Variants in ETV1 observed in about 807,000 individuals in gnomAD.
ETV1 encodes ETS translocation variant 1.
In ETV1, 27 loss-of-function variants were observed where a neutral mutation model predicts 62.3. The observed-to-expected ratio is 0.43, with a 90% CI of 0.32 to 0.60. The LOEUF is 0.60. Among genes scored for constraint, ETV1 ranks in the 20% least tolerant of loss-of-function variants. ETV1 has a pLI of 0.06. For synonymous variants in ETV1, 222 were observed against 199.6 expected (o/e 1.11, Z -0.94); for missense variants, 605 against 605.8 (o/e 1.00, Z 0.01).
At chr7:13,989,836 G>T (rs1278539891), upstream of ETV1, 10 of 378,198 alleles carry the variant, frequency 2.6e-5, no homozygotes, top group Middle Eastern at 6.7e-4. Flanking sequence ...TCGCCCCTCT[G>T]CCCTAGGGGG....
In ETV1 at chr7:13,892,833, C is replaced by G; in HGVS notation, c.*3033G>C. 1 of 232,510 alleles carries G rather than the reference C, an allele frequency of 4.3e-6. No homozygotes were observed. Among genetic ancestry groups the G allele is most frequent in the Non-Finnish European group, 8.5e-6 (1 of 117,588 alleles). The allele number at this position is 232,510 out of a possible 1,614,324, so 14.4% of individuals were successfully genotyped here. A position where few individuals can be genotyped will look rare whatever the true frequency, so the allele number is the denominator to read the frequency against. On this transcript the variant is annotated 3_prime_UTR_variant, in exon 14 of 14. Transcript: ENST00000430479. ...CTCTAGAAGTGAAAGCTGGAAGAAT[C>G]TCCCCTGGAGCCTCCAGAAGGAACC... is the stretch of plus-strand genomic sequence containing the variant.
At chr7:13,902,030 T>G (rs981595413) in intron 12 of ETV1, among the ~76,000 whole-genome samples, 1 of 152,098 alleles carries the variant, frequency 6.6e-6, no homozygotes, top group Admixed American at 6.6e-5. Flanking sequence ...GTAGCTTGCT[T>G]TTCCTACCCC....
chr7:13,975,205 G>A (rs1781305552), intron 6 of ETV1: 1 of 152,232 alleles, frequency 6.6e-6, no homozygotes, highest in African/African-American at 2.4e-5. Context: ...AGGTGGCACA[G>A]GTGTAGTCAT....
intron 9 of ETV1, among the ~76,000 whole-genome samples, chr7:13,929,378 A>G (rs62454581): frequency 0.045 from 6,794 of 152,280 alleles, 208 homozygotes; most frequent in African/African-American, 0.078. Context: ...ACTGATAAAT[A>G]AGGTGTCTTC....
chr7:13,961,088 G>C (rs1790110752), intron 6 of ETV1, among the ~76,000 whole-genome samples: 1 of 151,418 alleles, frequency 6.6e-6, no homozygotes, highest in Non-Finnish European at 1.5e-5. Context: ...TGAGGCTGCA[G>C]TGAGCCATGA....
At chr7:13,917,099 G>C (rs932176795) in intron 9 of ETV1, among the ~76,000 whole-genome samples, 1 of 151,956 alleles carries the variant, frequency 6.6e-6, no homozygotes, top group Non-Finnish European at 1.5e-5. Context: ...AACTTCTCTT[G>C]TAAGCACCTG....
intron 11 of ETV1, chr7:13,907,856 C>T: frequency 4.3e-6 from 2 of 470,394 alleles, no homozygotes; most frequent in Non-Finnish European, 8.8e-6. Context: ...ATTTGAAAAA[C>T]CTAAACCAAA....
rs1229655088 is a variant in ETV1, at chr7:13,931,736, G to T, written c.568C>A (p.Leu190Ile). 6.2e-7 allele frequency: 1 copy of T among 1,613,864 alleles called. No homozygotes were observed. The highest frequency in any genetic ancestry group is 2.2e-5 in the East Asian group (1 of 44,898). The change falls in exon 9 of 14, where the codon CTT becomes ATT. Residue 190 changes from leucine to isoleucine, a missense_variant. Leu to Ile is a conservative substitution (Grantham distance 5, BLOSUM62 2). Transcript: ENST00000430479. ...YPMDHRFRRQLSEPCNSFPPL... is the reference protein window; with the variant it reads ...YPMDHRFRRQISEPCNSFPPL... Reference sequence around the variant, plus strand: ...GGAAAGGAGTTACAGGGTTCAGAAAGCTGGCGGCGAAATCTAGGGAATAAG... The same window carrying T: ...GGAAAGGAGTTACAGGGTTCAGAAATCTGGCGGCGAAATCTAGGGAATAAG...
At chr7:13,973,466 A>T (rs186336720) in intron 6 of ETV1, among the ~76,000 whole-genome samples, 1 of 152,304 alleles carries the variant, frequency 6.6e-6, no homozygotes, top group East Asian at 1.9e-4. Context: ...CAATTCCAAT[A>T]TTTGATAAAC....
chr7:13,978,501 G>T (rs1032315165), intron 5 of ETV1, among the ~76,000 whole-genome samples: 2 of 151,920 alleles, frequency 1.3e-5, no homozygotes, highest in Non-Finnish European at 2.9e-5. Context: ...GCTGTCATTT[G>T]ACTAGGTAGT....
chr7:13,909,097 C>G (rs960979755), intron 11 of ETV1, among the ~76,000 whole-genome samples: 13 of 137,836 alleles, frequency 9.4e-5, no homozygotes, highest in Non-Finnish European at 2.0e-4. Context: ...TAAGCAATTA[C>G]AAAGTCATGC....
chr7:13,896,216 C>A, intron 13 of ETV1, 129 bp from the exon 14 acceptor site: 3 of 611,902 alleles, frequency 4.9e-6, no homozygotes, highest in Non-Finnish European at 5.7e-6. Flanking sequence ...AAAAAGCAAA[C>A]AACTAATAGC....
At chr7:13,917,332 T>TTA (rs1181828649) in intron 9 of ETV1, among the ~76,000 whole-genome samples, 7 of 147,324 alleles carry the variant, frequency 4.8e-5, no homozygotes, top group Admixed American at 4.3e-4. Flanking sequence ...ATTTATTTAT[T>TTA]TTGAGACGGA....
intron 9 of ETV1, among the ~76,000 whole-genome samples, chr7:13,925,356 G>GTAGC (rs1265653475): frequency 6.6e-6 from 1 of 152,094 alleles, no homozygotes; most frequent in African/African-American, 2.4e-5. Context: ...AACCCTAATG[G>GTAGC]TAGCATTGCA....
intron 9 of ETV1, among the ~76,000 whole-genome samples, chr7:13,916,402 C>T (rs951842223): frequency 1.5e-4 from 23 of 152,216 alleles, no homozygotes; most frequent in African/African-American, 4.8e-4. Flanking sequence ...CTTTGGGAGG[C>T]CAAGGTGGGC....
rs1490130499 is a variant in ETV1 at position 13,894,006 on chromosome 7, T to C, written c.*1860A>G. ...AGAGTAGCAATTTTGGTGTTTGGGT[T>C]TCTTGATAACTGCTCCACTTAGAGA... On this transcript the variant is annotated 3_prime_UTR_variant, in exon 14 of 14. Coordinates refer to ENST00000430479, the MANE Select transcript of ETV1 (RefSeq NM_004956.5). 1 of 232,862 alleles carries C rather than the reference T, an allele frequency of 4.3e-6. No individual in the cohort carries two copies. The highest frequency in any genetic ancestry group is 8.5e-6 in the Non-Finnish European group (1 of 117,866). 14.4% of individuals were successfully genotyped at this position (232,862 alleles called of 1,614,324 possible). A position where few individuals can be genotyped will look rare whatever the true frequency, so the allele number is the denominator to read the frequency against.
At chr7:13,963,904 G>A (rs755837558) in intron 6 of ETV1, among the ~76,000 whole-genome samples, 1 of 152,142 alleles carries the variant, frequency 6.6e-6, no homozygotes, top group Non-Finnish European at 1.5e-5. Context: ...ACTTTCTAAT[G>A]CAACAGCCTT....
At chr7:13,904,761 A>G (rs1338946494) in intron 12 of ETV1, among the ~76,000 whole-genome samples, 1 of 151,996 alleles carries the variant, frequency 6.6e-6, no homozygotes, top group African/African-American at 2.4e-5. Flanking sequence ...CATGAGGTGA[A>G]GAGCACACAC....
intron 6 of ETV1, among the ~76,000 whole-genome samples, chr7:13,972,479 TA>T (rs1781007368): frequency 6.6e-6 from 1 of 152,168 alleles, no homozygotes; most frequent in Non-Finnish European, 1.5e-5. Flanking sequence ...TAATTAAACT[TA>T]AAGTAAACAA....
Sources: gnomAD v4.1 joint callset for allele counts (sites outside exome capture counted in the v4.1 genomes callset) on GRCh38, gnomAD v4.1.1 for gene constraint, MANE v1.5 for transcripts, NCBI Gene and HGNC (gene_info 2026-07-23, HGNC 2026-07-21) for gene names.